Variants in VPS13B observed in about 807,000 individuals in gnomAD.
VPS13B encodes the protein intermembrane lipid transfer protein VPS13B.
Under a neutral mutation model 426.4 loss-of-function variants are expected in VPS13B, and 285 were observed. That is an observed-to-expected ratio of 0.67 (90% CI 0.61 to 0.74). The LOEUF (loss-of-function observed/expected upper bound fraction) is 0.74, where lower values mean the gene tolerates loss of function less well. VPS13B is among the 30% of genes least tolerant of loss of function. The probability of loss-of-function intolerance (pLI) is 0.00; values close to 1 mark genes in which losing one functional copy is unlikely to be tolerated. For synonymous variants in VPS13B, 1,676 were observed against 1,676.4 expected, an observed-to-expected ratio of 1.00 and a Z score of 0.01; for missense variants, 4,537 against 4,782.6, an observed-to-expected ratio of 0.95 and a Z score of 1.51.
intron 33 of VPS13B, among the ~76,000 whole-genome samples, chr8:99,588,324 C>A (rs1446203140): frequency 6.6e-6 from 1 of 151,524 alleles, no homozygotes; most frequent in Non-Finnish European, 1.5e-5. Context: ...TCCATATGAA[C>A]TTTAAAGTAG....
At chr8:99,671,074 A>G (rs1830698379) in intron 35 of VPS13B, among the ~76,000 whole-genome samples, 1 of 152,144 alleles carries the variant, frequency 6.6e-6, no homozygotes, top group Non-Finnish European at 1.5e-5. Flanking sequence ...GTTTTCCATA[A>G]TGGCTGTACC....
At chr8:99,262,769 CTGTTGTTGTTGTTGT>C (rs373225716) in intron 17 of VPS13B, among the ~76,000 whole-genome samples, 1 of 149,910 alleles carries the variant, frequency 6.7e-6, no homozygotes, top group Non-Finnish European at 1.5e-5. Flanking sequence ...TTTGGATGGT[CTGTTGTTGTTGTTGT>C]TGTTGTTGTT....
chr8:99,640,001 T>TAAGAAGAAGAAGAAG (rs1411599948), intron 33 of VPS13B, among the ~76,000 whole-genome samples: 1 of 59,738 alleles, frequency 1.7e-5, no homozygotes, highest in African/African-American at 7.5e-5. Context: ...ATAATAATAA[T>TAAGAAGAAGAAGAAG]AATAATAATA....
chr8:99,720,206 C>T, intron 37 of VPS13B, 139 bp from the exon 38 acceptor site: 1 of 716,444 alleles, frequency 1.4e-6, no homozygotes, highest in Non-Finnish European at 2.3e-6. Flanking sequence ...AAGTCAATTA[C>T]TTTTTAGGAA....
intron 40 of VPS13B, among the ~76,000 whole-genome samples, chr8:99,771,534 G>C (rs1811488532): frequency 6.6e-6 from 1 of 152,226 alleles, no homozygotes; most frequent in Admixed American, 6.5e-5. Flanking sequence ...TTGAGACAGT[G>C]ATCCACAGCC....
chr8:99,606,624 C>CTTTTTTTTTTTTTTTTTTTTTTTTTT (rs1193844207), intron 33 of VPS13B, among the ~76,000 whole-genome samples: 1 of 137,238 alleles, frequency 7.3e-6, no homozygotes, highest in Non-Finnish European at 1.6e-5. Flanking sequence ...TTTTCTTTTT[C>CTTTTTTTTTTTTTTTTTTTTTTTTTT]TTTTCTTTTT....
intron 35 of VPS13B, among the ~76,000 whole-genome samples, chr8:99,671,930 G>T (rs895529797): frequency 6.6e-6 from 1 of 152,088 alleles, no homozygotes; most frequent in Non-Finnish European, 1.5e-5. Flanking sequence ...GAACTAATTA[G>T]CTAATACATG....
chr8:99,104,740 T>G (rs1846952754), intron 5 of VPS13B, among the ~76,000 whole-genome samples: 2 of 151,914 alleles, frequency 1.3e-5, no homozygotes, highest in Non-Finnish European at 2.9e-5. Flanking sequence ...CCTCCCATCT[T>G]AGCCTCCCAA....
At chr8:99,390,287 T>C (rs1814364341) in intron 20 of VPS13B, among the ~76,000 whole-genome samples, 1 of 152,028 alleles carries the variant, frequency 6.6e-6, no homozygotes, top group Admixed American at 6.5e-5. Flanking sequence ...GTATTTTTAG[T>C]AGAGACGGGG....
rs750349908 is a variant in VPS13B at position 99,819,500 on chromosome 8, G to A, written c.8710G>A (p.Val2904Ile). 2.7e-5 allele frequency: 43 copies of A among 1,613,738 alleles called. No homozygotes were observed. The highest frequency in any genetic ancestry group is 3.1e-5 in the Non-Finnish European group (37 of 1,179,886). The change falls in exon 48 of 62, where the codon GTT (valine) becomes ATT (isoleucine). Residue 2904 changes from valine to isoleucine, a missense_variant. This residue lies in a region of VPS13B where 4,311 missense variants were observed against 4,474.3 expected (regional missense o/e 0.96). Transcript: ENST00000357162. Reference sequence around the variant, plus strand: ...CACTAAGGTACACCCTGGAGGCACAGTTAATCAGATCCTTGACGAATTCTA... The same window carrying A: ...CACTAAGGTACACCCTGGAGGCACAATTAATCAGATCCTTGACGAATTCTA... ...IATKVHPGGT[V>I]NQILDEFYGP... is the part of the protein sequence containing the mutation.
intron 17 of VPS13B, among the ~76,000 whole-genome samples, chr8:99,193,703 A>G (rs1262926201): frequency 2.0e-5 from 3 of 152,120 alleles, no homozygotes; most frequent in Non-Finnish European, 4.4e-5. Context: ...AAGTAACATT[A>G]TTTTTAATTT....
rs987576458 is a variant in VPS13B at position 99,288,180 on chromosome 8, A to G, written c.2824+12926A>G. On this transcript the variant is annotated intron_variant, in intron 19 of 61. Transcript: ENST00000357162. ...AAAAAATAAAAGTATAAACCTACAT[A>G]TAAGATTCCAGTTTTGTAAAATTTC... 5.9e-5 allele frequency among the ~76,000 whole-genome samples: 9 copies of G among 152,186 alleles called. No individual in the cohort carries two copies. In the South Asian group the frequency reaches 6.2e-4, roughly 11 times the overall value.
chr8:99,469,285 G>C (rs1262431619), intron 24 of VPS13B, among the ~76,000 whole-genome samples: 4 of 148,892 alleles, frequency 2.7e-5, no homozygotes, highest in East Asian at 2.0e-4. Flanking sequence ...CATCCCATTT[G>C]AACCTTCTGA....
At chr8:99,071,828 C>T (rs1384694000) in intron 3 of VPS13B, among the ~76,000 whole-genome samples, 1 of 152,174 alleles carries the variant, frequency 6.6e-6, no homozygotes, top group Non-Finnish European at 1.5e-5. Flanking sequence ...TTTTCAGAAG[C>T]AGGAGACTCT....
At chr8:99,705,240 A>G (rs554141928) in intron 36 of VPS13B, among the ~76,000 whole-genome samples, 1 of 152,294 alleles carries the variant, frequency 6.6e-6, no homozygotes, top group African/African-American at 2.4e-5. Context: ...TTCGACAAAA[A>G]GTAGAACAGG....
chr8:99,611,592 G>C (rs1827847613), intron 33 of VPS13B, among the ~76,000 whole-genome samples: 1 of 151,756 alleles, frequency 6.6e-6, no homozygotes, highest in Non-Finnish European at 1.5e-5. Context: ...CTTTGGATGT[G>C]GCAATCATTG....
intron 33 of VPS13B, among the ~76,000 whole-genome samples, chr8:99,618,818 G>A (rs929070841): frequency 3.9e-5 from 6 of 151,962 alleles, no homozygotes; most frequent in Admixed American, 3.3e-4. Flanking sequence ...AATCAGCTTT[G>A]ATGCCTATGG....
chr8:99,085,841 T>C (rs1413707025), intron 3 of VPS13B, among the ~76,000 whole-genome samples: 1 of 152,242 alleles, frequency 6.6e-6, no homozygotes, highest in Non-Finnish European at 1.5e-5. Context: ...GGGCTTCACT[T>C]TGTGGGTAAC....
intron 55 of VPS13B, 138 bp from the exon 56 acceptor site, chr8:99,853,313 T>G (rs1250893560): frequency 1.2e-6 from 1 of 848,624 alleles, no homozygotes; most frequent in Non-Finnish European, 1.9e-6. Context: ...GTACTGAAAG[T>G]TGAGTTCTTA....
Sources: allele counts gnomAD v4.1 joint callset (sites outside exome capture counted in the v4.1 genomes callset), GRCh38; gene constraint gnomAD v4.1.1; regional missense constraint gnomAD v4.1.1; transcripts MANE v1.5; gene names NCBI Gene and HGNC (gene_info 2026-07-23, HGNC 2026-07-21).